The following RBM26 variants were observed in gnomAD, a reference collection of about 807,000 sequenced individuals.
RBM26 encodes RNA-binding protein 26.
In RBM26, 30 loss-of-function variants were observed where a neutral mutation model predicts 123.6. The observed-to-expected ratio is 0.24, with a 90% confidence interval of 0.18 to 0.33. RBM26 has a LOEUF of 0.33. Ranked by LOEUF, RBM26 falls within the 10% of genes least tolerant of loss-of-function variation. RBM26 has a pLI of 1.00. For missense variants in RBM26, 947 were observed against 1,203.6 expected (o/e 0.79, Z 3.15); for synonymous variants, 400 against 404.4 (o/e 0.99, Z 0.13).
chr13:79,377,886 C>T (rs1437837463), intron 2 of RBM26, among the ~76,000 whole-genome samples: 1 of 151,858 alleles, frequency 6.6e-6, no homozygotes, highest in Non-Finnish European at 1.5e-5. Context: ...CAAGATCACG[C>T]CATTGCACTC....
At chr13:79,324,577 AG>A (rs2068098507) in intron 20 of RBM26, among the ~76,000 whole-genome samples, 2 of 151,918 alleles carry the variant, frequency 1.3e-5, no homozygotes, top group South Asian at 4.1e-4. Context: ...TTGGAGAGAA[AG>A]GGGTTGTTGT....
At position 79,319,005 on chromosome 13, in the gene RBM26, A is replaced by C. The variant is rs1383798649; in HGVS notation, c.*1616T>G. The C allele has an allele frequency of 1.0e-6, 1 of 981,236 alleles. No individual in the cohort carries two copies. The highest frequency in any genetic ancestry group is 1.8e-5 in the African/African-American group (1 of 57,092). 60.8% of individuals were successfully genotyped at this position (981,236 alleles called of 1,614,324 possible). A position where few individuals can be genotyped will look rare whatever the true frequency, so the allele number is the denominator to read the frequency against. On this transcript the variant is annotated 3_prime_UTR_variant, in exon 22 of 22. Transcript: ENST00000438737. ...GTAAAAATAGTGACTTTTTGAGCAA[A>C]GTCACTATTTTGACAACTGAAATCT...
At chr13:79,396,975 T>C (rs2078623423) in intron 1 of RBM26, among the ~76,000 whole-genome samples, 2 of 151,788 alleles carry the variant, frequency 1.3e-5, no homozygotes, top group South Asian at 4.2e-4. Flanking sequence ...AGGTCAGGAG[T>C]TCAGGACCAG....
chr13:79,318,354 TAA>T (rs2067339692), downstream of RBM26, among the ~76,000 whole-genome samples: 1 of 151,382 alleles, frequency 6.6e-6, no homozygotes, highest in Non-Finnish European at 1.5e-5. Context: ...TCTATTAGCC[TAA>T]GTTTCCTTAT....
rs371759116 is a variant in RBM26 at position 79,358,299 on chromosome 13, C to A, written c.1664G>T (p.Arg555Leu). Reference protein sequence around the residue: ...NISKLNEHFSRFGTLVNLQVA... With the variant: ...NISKLNEHFSLFGTLVNLQVA... ...CTGTAAGTTAACCAAGGTTCCAAAT[C>A]GACTAAAATGTTCATTAAGTTTGCT... Residue 555 changes from arginine (R) to leucine (L), a missense_variant, in exon 11 of 22, where the codon CGA becomes CTA. Around this residue, in one of 5 missense-constraint regions of RBM26, gnomAD observed 493 missense variants for 563.1 expected, o/e 0.88. Coordinates refer to ENST00000438737, the MANE Select transcript of RBM26 (RefSeq NM_001366735.2). 1.4e-5 allele frequency: 23 copies of A among 1,606,838 alleles called. No homozygotes were observed. Among genetic ancestry groups the A allele is most frequent in the Non-Finnish European group, 2.0e-5 (23 of 1,177,704 alleles).
At chr13:79,379,120 A>C (rs2076872916) in intron 1 of RBM26, among the ~76,000 whole-genome samples, 1 of 152,190 alleles carries the variant, frequency 6.6e-6, no homozygotes, top group Non-Finnish European at 1.5e-5. Flanking sequence ...AAACATACCC[A>C]TCAGTATATT....
At chr13:79,361,866 CATCTTTT>C (rs1252303202) in intron 9 of RBM26, among the ~76,000 whole-genome samples, 1 of 152,218 alleles carries the variant, frequency 6.6e-6, no homozygotes, top group Non-Finnish European at 1.5e-5. Context: ...TGGCTTCATT[CATCTTTT>C]TCAGTGATTC....
chr13:79,334,337 A>C lies in RBM26; in HGVS notation c.2820+7T>G, dbSNP rs1210449923. ...ATCTGAATTGATAAATTATTTTTAA[A>C]ACTTACTGCTTCAGCTTCTGCTCTT... On this transcript the variant is annotated splice_region_variant and intron_variant, in intron 20 of 21. Transcript: ENST00000438737. 1.4e-6 allele frequency: 2 copies of C among 1,462,214 alleles called. No homozygotes were observed. The highest frequency in any genetic ancestry group is 2.9e-5 in the African/African-American group (2 of 69,598). The allele number at this position is 1,462,214 out of a possible 1,614,324, so 90.6% of individuals were successfully genotyped here.
intron 14 of RBM26, among the ~76,000 whole-genome samples, chr13:79,350,820 TGTAA>T (rs1334462843): frequency 3.3e-5 from 5 of 152,074 alleles, no homozygotes; most frequent in African/African-American, 1.2e-4. Flanking sequence ...ATCACTGCCC[TGTAA>T]GTATTTTGGA....
At chr13:79,367,950 A>T (rs748204204) in intron 6 of RBM26, among the ~76,000 whole-genome samples, 2 of 152,184 alleles carry the variant, frequency 1.3e-5, no homozygotes, top group Non-Finnish European at 2.9e-5. Context: ...ACTAAAAAAA[A>T]TTGCAATGAT....
intron 3 of RBM26, among the ~76,000 whole-genome samples, chr13:79,374,988 G>A (rs1316847129): frequency 6.8e-6 from 1 of 146,932 alleles, no homozygotes; most frequent in Admixed American, 6.9e-5. Context: ...AAGATTTTCT[G>A]AGAATTAAAG....
chr13:79,331,595 C>CA (rs2069403529), intron 20 of RBM26, among the ~76,000 whole-genome samples: 1 of 151,402 alleles, frequency 6.6e-6, no homozygotes, highest in Non-Finnish European at 1.5e-5. Context: ...GAGATCACAC[C>CA]ACTGCACTCC....
At chr13:79,318,369 A>G (rs1410330), downstream of RBM26, among the ~76,000 whole-genome samples, 149,420 of 151,408 alleles carry the variant, frequency 0.99, 73,771 homozygotes, top group East Asian at 1. Context: ...TTCCTTATCT[A>G]TAAAATGGAA....
chr13:79,345,449 T>TA lies in RBM26; in HGVS notation c.2059-656dup, dbSNP rs568735211. Among the ~76,000 whole-genome samples the TA allele has an allele frequency of 3.6e-4, 53 of 149,248 alleles. 1 individual carries two copies. The highest frequency in any genetic ancestry group is 3.1e-3 in the East Asian group (15 of 4,878). ...TTTTTAGTTAGTGTCAGCTATTTAG[T>TA]AAAAAAAAACGACCTGATAATATAT... On this transcript the variant is annotated intron_variant, in intron 14 of 21. Transcript: ENST00000438737.
chr13:79,364,394 T>C (rs1396693967), intron 9 of RBM26, among the ~76,000 whole-genome samples: 1 of 152,228 alleles, frequency 6.6e-6, no homozygotes, highest in Non-Finnish European at 1.5e-5. Flanking sequence ...TAGGCACTGT[T>C]ACTTACTAAC....
chr13:79,332,869 A>G (rs1317831289), intron 20 of RBM26, among the ~76,000 whole-genome samples: 1 of 152,180 alleles, frequency 6.6e-6, no homozygotes, highest in African/African-American at 2.4e-5. Context: ...TTATTTAAGA[A>G]GAGGTTTTAA....
In RBM26 at chr13:79,357,238, C is replaced by T. The variant is rs75088492; in HGVS notation, c.1689+1036G>A. The stretch of plus-strand genomic sequence containing the variant: ...CTGAATCAAACATGAATCTTTTTCC[C>T]GCTCTATTACTTTTATAGTACTTTT... On this transcript the variant is annotated intron_variant, in intron 11 of 21. Coordinates refer to ENST00000438737, the MANE Select transcript of RBM26 (RefSeq NM_001366735.2). 6.9e-3 allele frequency among the ~76,000 whole-genome samples: 1,044 copies of T among 152,044 alleles called. 17 individuals carry two copies. Among genetic ancestry groups the T allele is most frequent in the African/African-American group, 0.023 (960 of 41,488 alleles).
At chr13:79,352,412 T>C (rs2073371595) in intron 14 of RBM26, among the ~76,000 whole-genome samples, 1 of 151,902 alleles carries the variant, frequency 6.6e-6, no homozygotes, top group Admixed American at 6.6e-5. Context: ...TCACATTCTG[T>C]GATTTCATAT....
intron 9 of RBM26, among the ~76,000 whole-genome samples, chr13:79,364,402 A>G (rs2075041409): frequency 6.6e-6 from 1 of 152,180 alleles, no homozygotes; most frequent in South Asian, 2.1e-4. Context: ...GTTACTTACT[A>G]ACTAAGACTT....
Sources: gnomAD v4.1 joint callset for allele counts (sites outside exome capture counted in the v4.1 genomes callset) on GRCh38, gnomAD v4.1.1 for gene constraint, gnomAD v4.1.1 regional missense constraint, MANE v1.5 for transcripts, NCBI Gene and HGNC (gene_info 2026-07-23, HGNC 2026-07-21) for gene names.